The following LRRC4C variants were observed in gnomAD, a reference collection of about 807,000 sequenced individuals.
LRRC4C encodes the protein leucine rich repeat containing 4C, also known as leucine-rich repeat-containing protein 4C.
A neutral mutation model predicts 33.6 loss-of-function variants in LRRC4C; 5 were observed. The observed-to-expected ratio is 0.15, with a 90% CI of 0.08 to 0.31. The LOEUF is 0.31. Among genes scored for constraint, LRRC4C ranks in the 10% least tolerant of loss-of-function variants. LRRC4C has a pLI of 1.00. For synonymous variants in LRRC4C, 329 were observed against 302.0 expected (o/e 1.09, Z -0.93); for missense variants, 560 against 796.7 (o/e 0.70, Z 3.58).
At chr11:41,154,089 C>G (rs1590772591) in intron 1 of LRRC4C, among the ~76,000 whole-genome samples, 1 of 152,250 alleles carries the variant, frequency 6.6e-6, no homozygotes. Flanking sequence ...TTCTGGCCTC[C>G]AGAACTATAA....
rs189231968 is a variant in LRRC4C at position 41,325,212 on chromosome 11, A to G, written c.-496+134219T>C. Among the ~76,000 whole-genome samples the G allele has an allele frequency of 7.1e-3, 1,077 of 152,256 alleles. 4 individuals carry two copies. The highest frequency in any genetic ancestry group is 0.011 in the Non-Finnish European group (726 of 68,012). On this transcript the variant is annotated intron_variant, in intron 1 of 6. Coordinates refer to ENST00000528697, the MANE Select transcript of LRRC4C (RefSeq NM_001258419.2). The stretch of plus-strand genomic sequence containing the variant: ...GTGAGGGAAGAAATGGAGGAAGGCA[A>G]AAACATCATGCTTCATGCAAAATGT...
chr11:41,125,553 C>T lies in LRRC4C; in HGVS notation c.-495-191830G>A, dbSNP rs556236969. ...CATTATTATAATTATCATACAAAAA[C>T]ATAGATTGAAAAAAAAGCCACTTTA... On this transcript the variant is annotated intron_variant, in intron 1 of 6. Coordinates refer to ENST00000528697, the MANE Select transcript of LRRC4C (RefSeq NM_001258419.2). Among the ~76,000 whole-genome samples, 18 of 151,608 alleles carry T rather than the reference C, an allele frequency of 1.2e-4. No homozygotes were observed. In the South Asian group the frequency reaches 3.6e-3, roughly 30 times the overall value.
chr11:41,368,015 C>T (rs989353403), intron 1 of LRRC4C, among the ~76,000 whole-genome samples: 2 of 152,152 alleles, frequency 1.3e-5, no homozygotes, highest in Non-Finnish European at 2.9e-5. Context: ...AGTCATTTTA[C>T]AAAGTGCTTG....
intron 1 of LRRC4C, among the ~76,000 whole-genome samples, chr11:41,129,139 T>C (rs1942892168): frequency 6.6e-6 from 1 of 151,956 alleles, no homozygotes. Flanking sequence ...AACTGGGATT[T>C]TCTCCTTGAT....
At chr11:40,258,694 C>G (rs1867427127) in intron 4 of LRRC4C, among the ~76,000 whole-genome samples, 1 of 152,170 alleles carries the variant, frequency 6.6e-6, no homozygotes, top group East Asian at 1.9e-4. Context: ...ACATTTGACT[C>G]TAACCTAAAT....
intron 2 of LRRC4C, among the ~76,000 whole-genome samples, chr11:40,830,592 T>C (rs1591826670): frequency 6.6e-6 from 1 of 152,164 alleles, no homozygotes; most frequent in East Asian, 1.9e-4. Context: ...CCAAATCAAA[T>C]TGGTGTAAAA....
intron 3 of LRRC4C, among the ~76,000 whole-genome samples, chr11:40,358,444 C>A (rs1253475225): frequency 1.3e-5 from 2 of 152,024 alleles, no homozygotes; most frequent in African/African-American, 4.8e-5. Flanking sequence ...CTGTGCTTGG[C>A]TAATTTTTGT....
At chr11:40,138,894 C>T (rs1311058989) in intron 6 of LRRC4C, among the ~76,000 whole-genome samples, 2 of 152,170 alleles carry the variant, frequency 1.3e-5, no homozygotes, top group Non-Finnish European at 2.9e-5. Flanking sequence ...TTATGATACA[C>T]AGAATACAAA....
intron 3 of LRRC4C, among the ~76,000 whole-genome samples, chr11:40,484,445 C>T (rs538017863): frequency 7.2e-5 from 11 of 151,952 alleles, no homozygotes; most frequent in South Asian, 2.1e-4. Context: ...AAAAAAGGTA[C>T]TGTGAATACT....
At chr11:40,358,202 A>G (rs1947767039) in intron 3 of LRRC4C, among the ~76,000 whole-genome samples, 2 of 151,666 alleles carry the variant, frequency 1.3e-5, no homozygotes, top group Admixed American at 1.3e-4. Context: ...TAAATAAATA[A>G]CAAAAAACAA....
intron 1 of LRRC4C, among the ~76,000 whole-genome samples, chr11:41,286,556 G>A (rs1179171977): frequency 6.6e-6 from 1 of 152,102 alleles, no homozygotes; most frequent in Admixed American, 6.5e-5. Context: ...ATTCTATTAT[G>A]CAAATAAAGA....
intron 1 of LRRC4C, among the ~76,000 whole-genome samples, chr11:40,943,246 C>G (rs190401603): frequency 6.6e-6 from 1 of 152,282 alleles, no homozygotes; most frequent in East Asian, 1.9e-4. Context: ...TTTGTTCTCA[C>G]AGCATCTCTG....
At chr11:41,076,107 C>A (rs1247616285) in intron 1 of LRRC4C, among the ~76,000 whole-genome samples, 1 of 152,160 alleles carries the variant, frequency 6.6e-6, no homozygotes, top group Non-Finnish European at 1.5e-5. Flanking sequence ...AATCTCAAGC[C>A]TTTAACTAGT....
At chr11:40,795,011 C>A (rs1312442625) in intron 2 of LRRC4C, among the ~76,000 whole-genome samples, 1 of 152,182 alleles carries the variant, frequency 6.6e-6, no homozygotes, top group Non-Finnish European at 1.5e-5. Flanking sequence ...CTATAGAGAA[C>A]TTCTCTAAGC....
chr11:40,602,034 C>A (rs983897495), intron 3 of LRRC4C, among the ~76,000 whole-genome samples: 1 of 148,634 alleles, frequency 6.7e-6, no homozygotes, highest in Non-Finnish European at 1.5e-5. Flanking sequence ...ACTAAAAATA[C>A]AAAAAAAAAA....
chr11:40,255,049 CCATGGCCTCCCAA>C (rs1463096445), intron 4 of LRRC4C, among the ~76,000 whole-genome samples: 1 of 152,134 alleles, frequency 6.6e-6, no homozygotes, highest in Non-Finnish European at 1.5e-5. Flanking sequence ...TGACCTCCCA[CCATGGCCTCCCAA>C]AGCTCTGGGA....
At chr11:40,886,026 G>A (rs1955437075) in intron 2 of LRRC4C, among the ~76,000 whole-genome samples, 1 of 152,088 alleles carries the variant, frequency 6.6e-6, no homozygotes. Flanking sequence ...GCCCAAGAAT[G>A]TAGGCAGAAA....
At chr11:40,709,177 T>C (rs1946334178) in intron 2 of LRRC4C, among the ~76,000 whole-genome samples, 1 of 152,222 alleles carries the variant, frequency 6.6e-6, no homozygotes, top group Admixed American at 6.5e-5. Context: ...GTCTGTGTCT[T>C]TTAATTGGGG....
intron 2 of LRRC4C, among the ~76,000 whole-genome samples, chr11:40,859,600 T>C (rs10768639): frequency 0.96 from 146,623 of 152,052 alleles, 70,867 homozygotes; most frequent in Non-Finnish European, 1. Context: ...CTCCTTGCTC[T>C]GTACCCAAAA....
Sources: allele counts gnomAD v4.1 joint callset (sites outside exome capture counted in the v4.1 genomes callset), GRCh38; gene constraint gnomAD v4.1.1; transcripts MANE v1.5; gene names NCBI Gene and HGNC (gene_info 2026-07-23, HGNC 2026-07-21).